Variants in KLC1 observed in about 807,000 individuals in gnomAD.
KLC1 encodes kinesin light chain 1.
A neutral mutation model predicts 84.2 loss-of-function variants in KLC1; 30 were observed. The observed-to-expected ratio is 0.36, with a 90% CI of 0.27 to 0.48. KLC1 has a LOEUF of 0.48. Among genes scored for constraint, KLC1 ranks in the 20% least tolerant of loss-of-function variants. The pLI is 0.99. For missense variants in KLC1, 499 were observed against 805.4 expected, an observed-to-expected ratio of 0.62 and a Z score of 4.60; for synonymous variants, 289 against 293.3, an observed-to-expected ratio of 0.99 and a Z score of 0.15.
chr14:103,666,195 C>T (rs1264113549), intron 5 of KLC1, among the ~76,000 whole-genome samples: 1 of 151,976 alleles, frequency 6.6e-6, no homozygotes, highest in East Asian at 1.9e-4. Flanking sequence ...TCCCGAGTAG[C>T]TGGGACTACA....
chr14:103,685,985 A>G (rs1235083863), intron 13 of KLC1: 3 of 1,106,506 alleles, frequency 2.7e-6, no homozygotes, highest in East Asian at 1.5e-4. Flanking sequence ...CAATGGCATG[A>G]CGGTGACCTG....
intron 5 of KLC1, among the ~76,000 whole-genome samples, chr14:103,668,029 C>T (rs1156641337): frequency 6.6e-6 from 1 of 152,200 alleles, no homozygotes; most frequent in African/African-American, 2.4e-5. Flanking sequence ...TCAGACACAA[C>T]AATATATTTA....
At chr14:103,701,110 G>A (rs1290248416) in intron 16 of KLC1, 91 bp from the exon 17 acceptor site, 3 of 1,474,318 alleles carry the variant, frequency 2.0e-6, no homozygotes, top group African/African-American at 2.8e-5. Flanking sequence ...ACTTGGGGTG[G>A]GGGTTCCCCA....
At chr14:103,671,695 AT>A (rs1246151640) in intron 7 of KLC1, among the ~76,000 whole-genome samples, 1 of 152,082 alleles carries the variant, frequency 6.6e-6, no homozygotes, top group Non-Finnish European at 1.5e-5. Context: ...TTAACCTGGT[AT>A]TTTTTGTGAT....
chr14:103,688,894 TG>T (rs1352482166), intron 14 of KLC1, among the ~76,000 whole-genome samples: 1 of 152,226 alleles, frequency 6.6e-6, no homozygotes, highest in Non-Finnish European at 1.5e-5. Context: ...AACTCTTATT[TG>T]GGGGAAATGG....
At chr14:103,652,354 G>A (rs920128569) in intron 1 of KLC1, among the ~76,000 whole-genome samples, 5 of 152,300 alleles carry the variant, frequency 3.3e-5, no homozygotes, top group African/African-American at 9.6e-5. Flanking sequence ...GTATGGATGA[G>A]GTCCCTAGTG....
intron 13 of KLC1, among the ~76,000 whole-genome samples, chr14:103,682,042 G>A (rs1412873126): frequency 1.3e-5 from 2 of 152,038 alleles, no homozygotes; most frequent in Non-Finnish European, 2.9e-5. Context: ...ATGCAATTAA[G>A]TTAAAATAGA....
intron 11 of KLC1, among the ~76,000 whole-genome samples, chr14:103,676,551 C>T (rs2080895207): frequency 6.6e-6 from 1 of 152,186 alleles, no homozygotes; most frequent in South Asian, 2.1e-4. Flanking sequence ...CAGGTGTGAG[C>T]CACTGTGTCT....
At chr14:103,691,069 C>T (rs887180946) in intron 14 of KLC1, among the ~76,000 whole-genome samples, 5 of 151,732 alleles carry the variant, frequency 3.3e-5, no homozygotes, top group East Asian at 1.9e-4. Context: ...TTAGTGGTGA[C>T]GAGTCTGACA....
At chr14:103,679,334 A>G in intron 12 of KLC1, 50 bp from the exon 13 acceptor site, 1 of 1,576,904 alleles carries the variant, frequency 6.3e-7, no homozygotes, top group Non-Finnish European at 8.6e-7. Context: ...ATACCTAAGA[A>G]AATCTTAAGT....
rs767620730 is a variant in KLC1 at position 103,673,138 on chromosome 14, C to T, written c.1112C>T (p.Thr371Ile). 21 of 1,613,802 alleles carry T rather than the reference C, an allele frequency of 1.3e-5. No individual in the cohort carries two copies. The highest frequency in any genetic ancestry group is 1.8e-5 in the Non-Finnish European group (21 of 1,179,998). The change falls in exon 8 of 17, where the codon ACA becomes ATA. Residue 371 changes from threonine (T) to isoleucine (I), a missense_variant. Transcript: ENST00000334553. ...CAAAGAGCCCTCGAGATCTACCAGACAAAACTGGGACCTGATGACCCCAAC... is the reference window on the plus strand; with the variant it reads ...CAAAGAGCCCTCGAGATCTACCAGATAAAACTGGGACCTGATGACCCCAAC... ...YYQRALEIYQ[T>I]KLGPDDPNVA...
chr14:103,647,409 T>TA (rs1254228744), intron 1 of KLC1, among the ~76,000 whole-genome samples: 1 of 151,792 alleles, frequency 6.6e-6, no homozygotes, highest in Admixed American at 6.6e-5. Flanking sequence ...TTTTTTTTTT[T>TA]ACTAGAGATG....
intron 5 of KLC1, among the ~76,000 whole-genome samples, chr14:103,664,746 C>CTTAA (rs2079600818): frequency 6.7e-6 from 1 of 149,532 alleles, no homozygotes; most frequent in Admixed American, 6.7e-5. Context: ...AACTCCTGGG[C>CTTAA]TTAAGTGATC....
At chr14:103,698,381 G>A (rs1241779263) in intron 15 of KLC1, 1 of 278,596 alleles carries the variant, frequency 3.6e-6, no homozygotes, top group Non-Finnish European at 7.0e-6. Flanking sequence ...CGTGGGCACG[G>A]TCCCAAGGCT....
chr14:103,699,692 A>C, intron 15 of KLC1: 1 of 962,068 alleles, frequency 1.0e-6, no homozygotes, highest in Non-Finnish European at 1.6e-6. Flanking sequence ...CCTGGGGCTC[A>C]CAGTGCCCAT....
rs142717412 is a variant in KLC1 at position 103,680,124 on chromosome 14, C to T, written c.1650+579C>T. ...GGCTGGCTCTTCCTGGTTGCCAGCC[C>T]GCCATGTGCCTGAGAGGCTGCACAG... is the stretch of plus-strand genomic sequence containing the variant. On this transcript the variant is annotated intron_variant, in intron 13 of 16. Coordinates refer to ENST00000334553, the MANE Select transcript of KLC1 (RefSeq NM_001394837.1). 1.2e-4 allele frequency among the ~76,000 whole-genome samples: 18 copies of T among 152,302 alleles called. 1 individual carries two copies. The highest frequency in any genetic ancestry group is 3.3e-4 in the Admixed American group (5 of 15,296).
chr14:103,681,144 G>T (rs1035810910), intron 13 of KLC1, among the ~76,000 whole-genome samples: 30 of 152,148 alleles, frequency 2.0e-4, no homozygotes, highest in Admixed American at 3.9e-4. Flanking sequence ...CCATGTGCAG[G>T]CTGTGTATCT....
At chr14:103,675,293 C>T (rs2080785052) in intron 9 of KLC1, among the ~76,000 whole-genome samples, 1 of 152,152 alleles carries the variant, frequency 6.6e-6, no homozygotes, top group Admixed American at 6.5e-5. Context: ...CCACTGCACT[C>T]CAGCCTGGGC....
intron 1 of KLC1, among the ~76,000 whole-genome samples, chr14:103,653,756 C>T (rs1033190095): frequency 6.6e-6 from 1 of 152,112 alleles, no homozygotes; most frequent in Non-Finnish European, 1.5e-5. Flanking sequence ...TGTCACTGTG[C>T]CGAAAAAGAT....
Sources: allele counts gnomAD v4.1 joint callset (sites outside exome capture counted in the v4.1 genomes callset), GRCh38; gene constraint gnomAD v4.1.1; transcripts MANE v1.5; gene names NCBI Gene and HGNC (gene_info 2026-07-23, HGNC 2026-07-21).